The following KIR2DL3 variants were observed in gnomAD, a reference collection of about 807,000 sequenced individuals.
KIR2DL3 encodes the protein killer cell immunoglobulin-like receptor 2DL3.
Under a neutral mutation model 33.8 loss-of-function variants are expected in KIR2DL3, and 39 were observed. That is an observed-to-expected ratio of 1.15 (90% CI 0.89 to 1.51). KIR2DL3 has a LOEUF of 1.51. KIR2DL3 is among the 40% of genes most tolerant of loss of function. The probability of loss-of-function intolerance (pLI) is 0.00; values close to 1 mark genes in which losing one functional copy is unlikely to be tolerated. For missense variants in KIR2DL3, 462 were observed against 426.2 expected (o/e 1.08, Z -0.74); for synonymous variants, 174 against 160.2 (o/e 1.09, Z -0.65).
rs774851491 is a variant in KIR2DL3, at chr19:54,752,506, A to G, written c.1013A>G (p.Asn338Ser). The G allele has an allele frequency of 6.8e-7, 1 of 1,464,094 alleles. No individual in the cohort carries two copies. Among genetic ancestry groups the G allele is most frequent in the African/African-American group, 1.5e-5 (1 of 64,946 alleles). The allele number at this position is 1,464,094 out of a possible 1,614,324, so 90.7% of individuals were successfully genotyped here. A position where few individuals can be genotyped will look rare whatever the true frequency, so the allele number is the denominator to read the frequency against. The part of the protein sequence containing the change: ...TDIIVYTELP[N>S]AEP ...ATCATCGTGTACACGGAACTTCCAAATGCTGAGCCCTGATCCAAAGTTGTC... is the reference window on the plus strand; with the variant it reads ...ATCATCGTGTACACGGAACTTCCAAGTGCTGAGCCCTGATCCAAAGTTGTC... The change falls in exon 8 of 8, where the codon AAT becomes AGT. Residue 338 changes from asparagine (N) to serine (S), a missense_variant. Coordinates refer to ENST00000342376, the MANE Select transcript of KIR2DL3 (RefSeq NM_015868.3).
At chr19:54,744,921 C>CATATATATATGTGTATATATATATATAT (rs2072105959) in intron 4 of KIR2DL3, among the ~76,000 whole-genome samples, 46 of 25,184 alleles carry the variant, frequency 1.8e-3, no homozygotes, top group South Asian at 8.6e-3. Flanking sequence ...CATATATAAA[C>CATATATATATGTGTATATATATATATAT]ATATATATAT....
rs1297908257 is a variant in KIR2DL3, at chr19:54,750,052, A to G, written c.716-1597A>G. 1.5e-5 allele frequency among the ~76,000 whole-genome samples: 2 copies of G among 132,914 alleles called. 1 individual carries two copies. The allele number at this position is 132,914 out of a possible 152,430, so 87.2% of individuals were successfully genotyped here. On this transcript the variant is annotated intron_variant, in intron 5 of 7. Coordinates refer to ENST00000342376, the MANE Select transcript of KIR2DL3 (RefSeq NM_015868.3). ...GCAATGAGCTTAAAACCTCTTCCCT[A>G]TTTGGCTTTCTGTGAGAATGAGATC...
chr19:54,752,547 C>A lies in KIR2DL3; in HGVS notation c.*28C>A, dbSNP rs1363358081. The A allele has an allele frequency of 2.1e-6, 3 of 1,462,660 alleles. No homozygotes were observed. In the African/African-American group the frequency reaches 4.6e-5, roughly 22 times the overall value. The allele number at this position is 1,462,660 out of a possible 1,614,324, so 90.6% of individuals were successfully genotyped here. On this transcript the variant is annotated 3_prime_UTR_variant, in exon 8 of 8. Coordinates refer to ENST00000342376, the MANE Select transcript of KIR2DL3 (RefSeq NM_015868.3). ...CAAAGTTGTCTCCTGCCCATGAGCA[C>A]CACAGTCAGGCCTTGAGGGGATCTT...
In KIR2DL3 at chr19:54,751,876, G is replaced by C. The variant is rs145361319; in HGVS notation, c.820+123G>C. ...TGGCCCAAGGCAGCAGCCACAGAGGGAGGACTTTCTAGAGAGAGCACCAGA... is the reference window on the plus strand; with the variant it reads ...TGGCCCAAGGCAGCAGCCACAGAGGCAGGACTTTCTAGAGAGAGCACCAGA... On this transcript the variant is annotated intron_variant, in intron 6 of 7. Transcript: ENST00000342376. 8.3e-3 allele frequency: 6,517 copies of C among 783,526 alleles called. 552 individuals are homozygous for C. The highest frequency in any genetic ancestry group is 0.061 in the African/African-American group (2,679 of 44,274). 48.5% of individuals were successfully genotyped at this position (783,526 alleles called of 1,614,324 possible).
chr19:54,743,911 G>A lies in KIR2DL3; in HGVS notation c.487G>A (p.Glu163Lys). The change falls in exon 4 of 8, where the codon GAG becomes AAG. Residue 163 changes from glutamate (E) to lysine (K), a missense_variant. Physicochemically the swap from Glu to Lys is moderately conservative, Grantham distance 56 (BLOSUM62 1). Coordinates refer to ENST00000342376, the MANE Select transcript of KIR2DL3 (RefSeq NM_015868.3). The stretch of plus-strand genomic sequence containing the variant: ...CTATGACATGTACCATCTATCCAGG[G>A]AGGGGGAGGCCCATGAACGTAGGTT... ...SSYDMYHLSR[E>K]GEAHERRFSA... The A allele has an allele frequency of 6.2e-7, 1 of 1,614,122 alleles. No homozygotes were observed. Among genetic ancestry groups the A allele is most frequent in the South Asian group, 1.1e-5 (1 of 91,086 alleles).
chr19:54,743,962 A>C lies in KIR2DL3; in HGVS notation c.538A>C (p.Thr180Pro), dbSNP rs1319367051. 1.2e-6 allele frequency: 2 copies of C among 1,614,232 alleles called. No individual in the cohort carries two copies. The highest frequency in any genetic ancestry group is 1.7e-6 in the Non-Finnish European group (2 of 1,180,038). The change falls in exon 4 of 8, where the codon ACA becomes CCA. Residue 180 changes from threonine (T) to proline (P), a missense_variant. Physicochemically the swap from Thr to Pro is conservative, Grantham distance 38. Coordinates refer to ENST00000342376, the MANE Select transcript of KIR2DL3 (RefSeq NM_015868.3). ...RFSAGPKVNGTFQADFPLGPA... is the reference protein window; with the variant it reads ...RFSAGPKVNGPFQADFPLGPA... ...CTCTGCAGGGCCCAAGGTCAACGGA[A>C]CATTCCAGGCCGACTTTCCTCTGGG...
intron 5 of KIR2DL3, among the ~76,000 whole-genome samples, chr19:54,748,526 C>G (rs1301111638): frequency 2.7e-5 from 4 of 146,610 alleles, no homozygotes; most frequent in Admixed American, 7.1e-5. Flanking sequence ...ACTGATATTG[C>G]AGATGGTTAA....
intron 2 of KIR2DL3, 55 bp downstream of exon 2, chr19:54,739,597 T>A (rs1210051013): frequency 6.2e-7 from 1 of 1,613,582 alleles, no homozygotes; most frequent in African/African-American, 1.3e-5. Flanking sequence ...AGGATTTTCC[T>A]GAAACAGGAG....
At chr19:54,745,426 C>T (rs143770628) in intron 4 of KIR2DL3, among the ~76,000 whole-genome samples, 4,413 of 149,516 alleles carry the variant, frequency 0.03, 82 homozygotes, top group Middle Eastern at 0.073. Flanking sequence ...CAAGTGAAGT[C>T]ATCTTGGCTC....
At chr19:54,751,418 A>C (rs532965454) in intron 5 of KIR2DL3, among the ~76,000 whole-genome samples, 1 of 133,020 alleles carries the variant, frequency 7.5e-6, no homozygotes, top group African/African-American at 2.9e-5. Context: ...TTTCAATGTG[A>C]GGTTTGAAGG....
rs868859064 is a variant in KIR2DL3 at position 54,746,214 on chromosome 19, T to G, written c.665-1121T>G. ...GAGCACTTTTTAGTATGTGGGGAAA[T>G]TTCATGTGTTTTGCTCCTTTTTCAA... On this transcript the variant is annotated intron_variant, in intron 4 of 7. Coordinates refer to ENST00000342376, the MANE Select transcript of KIR2DL3 (RefSeq NM_015868.3). Among the ~76,000 whole-genome samples the G allele has an allele frequency of 2.9e-4, 39 of 134,026 alleles. 7 individuals carry two copies. Among genetic ancestry groups the G allele is most frequent in the Non-Finnish European group, 4.1e-4 (25 of 61,002 alleles). The allele number at this position is 134,026 out of a possible 152,430, so 87.9% of individuals were successfully genotyped here.
At chr19:54,739,070 A>AT (rs1250674168) in intron 1 of KIR2DL3, among the ~76,000 whole-genome samples, 4 of 142,484 alleles carry the variant, frequency 2.8e-5, no homozygotes, top group Admixed American at 6.9e-5. Flanking sequence ...CTAGAGGTGG[A>AT]TATCTGGGCC....
chr19:54,740,550 AG>A (rs2070849811), intron 2 of KIR2DL3, among the ~76,000 whole-genome samples: 1 of 151,262 alleles, frequency 6.6e-6, no homozygotes, highest in African/African-American at 2.4e-5. Flanking sequence ...TCGTGGTCAT[AG>A]GTCAGAGGGC....
chr19:54,751,748 A>T lies in KIR2DL3; in HGVS notation c.815A>T (p.Lys272Ile). ...FFLLHRWCCNKKNAVVMDQEP... is the reference protein window; with the variant it reads ...FFLLHRWCCNIKNAVVMDQEP... The stretch of plus-strand genomic sequence containing the variant: ...CTCCTTCATCGCTGGTGCTGCAACA[A>T]AAAAAGTAAGTCTCACGAAGCAGAG... Residue 272 changes from lysine to isoleucine, a missense_variant, in exon 6 of 8, where the codon AAA (lysine) becomes ATA (isoleucine). Coordinates refer to ENST00000342376, the MANE Select transcript of KIR2DL3 (RefSeq NM_015868.3). The T allele has an allele frequency of 1.4e-6, 2 of 1,466,276 alleles. No homozygotes were observed. Among genetic ancestry groups the T allele is most frequent in the Non-Finnish European group, 1.9e-6 (2 of 1,077,776 alleles). The allele number at this position is 1,466,276 out of a possible 1,614,324, so 90.8% of individuals were successfully genotyped here.
chr19:54,744,080 C>T lies in KIR2DL3; in HGVS notation c.656C>T (p.Ser219Phe). The change falls in exon 4 of 8, where the codon TCT becomes TTT. Residue 219 changes from serine (S) to phenylalanine (F), a missense_variant. Ser to Phe is a radical substitution (Grantham distance 155). Coordinates refer to ENST00000342376, the MANE Select transcript of KIR2DL3 (RefSeq NM_015868.3). The stretch of plus-strand genomic sequence containing the variant: ...AACTCGAGTGACCCACTGCTTGTTT[C>T]TGTCACAGGTGAGGAAACCCCATAT... Reference protein sequence around the residue: ...WSNSSDPLLVSVTGNPSNSWP... With the variant: ...WSNSSDPLLVFVTGNPSNSWP... 6.2e-7 allele frequency: 1 copy of T among 1,614,218 alleles called. No homozygotes were observed.
At chr19:54,745,961 C>T (rs1431966747) in intron 4 of KIR2DL3, among the ~76,000 whole-genome samples, 7 of 136,320 alleles carry the variant, frequency 5.1e-5, no homozygotes, top group Admixed American at 1.5e-4. Flanking sequence ...TACAGGCACA[C>T]GCCACCACGC....
intron 5 of KIR2DL3, among the ~76,000 whole-genome samples, chr19:54,749,054 AT>A (rs1236554337): frequency 2.0e-5 from 3 of 152,088 alleles, no homozygotes; most frequent in African/African-American, 7.3e-5. Context: ...TGGCGGAAGG[AT>A]TTTGCACACA....
chr19:54,747,654 G>A (rs1325377175), intron 5 of KIR2DL3, among the ~76,000 whole-genome samples: 1 of 152,210 alleles, frequency 6.6e-6, no homozygotes, highest in Admixed American at 6.5e-5. Flanking sequence ...AAAATGCAAT[G>A]TTTGTTCTGC....
At chr19:54,746,246 C>T (rs904780997) in intron 4 of KIR2DL3, among the ~76,000 whole-genome samples, 2 of 132,604 alleles carry the variant, frequency 1.5e-5, no homozygotes, top group Non-Finnish European at 3.3e-5. Context: ...TCAATTAAAT[C>T]GTTTGTTTTA....
Sources: allele counts gnomAD v4.1 joint callset (sites outside exome capture counted in the v4.1 genomes callset), GRCh38; gene constraint gnomAD v4.1.1; transcripts MANE v1.5; gene names NCBI Gene and HGNC (gene_info 2026-07-23, HGNC 2026-07-21).